BCAS3: variants seen among roughly 807,000 people sequenced by gnomAD.
BCAS3 encodes the protein BCAS4/BCAS3 fusion.
In BCAS3, 53 loss-of-function variants were observed where a neutral mutation model predicts 116.1. The observed-to-expected ratio is 0.46, with a 90% CI of 0.37 to 0.57. BCAS3 has a LOEUF of 0.57. Among genes scored for constraint, BCAS3 ranks in the 20% least tolerant of loss-of-function variants. BCAS3 has a pLI of 0.00. For synonymous variants in BCAS3, 391 were observed against 408.2 expected, an observed-to-expected ratio of 0.96 and a Z score of 0.51; for missense variants, 917 against 1,165.4, an observed-to-expected ratio of 0.79 and a Z score of 3.10.
chr17:60,951,466 A>G (rs149163617), intron 14 of BCAS3, among the ~76,000 whole-genome samples: 1 of 152,116 alleles, frequency 6.6e-6, no homozygotes, highest in African/African-American at 2.4e-5. Flanking sequence ...TGACCCATTA[A>G]CCTCTGCACC....
chr17:61,101,047 T>A (rs1466037549), intron 22 of BCAS3, among the ~76,000 whole-genome samples: 5 of 152,180 alleles, frequency 3.3e-5, no homozygotes, highest in Admixed American at 2.0e-4. Flanking sequence ...TCAGGGCATG[T>A]ATGTGACCTA....
chr17:61,036,370 C>T (rs1225859884), intron 17 of BCAS3: 3 of 152,272 alleles, frequency 2.0e-5, no homozygotes, highest in African/African-American at 4.8e-5. Flanking sequence ...ATCTCACGCG[C>T]AGCAGGTTCC....
intron 22 of BCAS3, among the ~76,000 whole-genome samples, chr17:61,288,922 A>C (rs990096624): frequency 6.6e-6 from 1 of 152,240 alleles, no homozygotes; most frequent in East Asian, 1.9e-4. Context: ...GGGGTGGAGC[A>C]TGAAAACATG....
rs535729006 is a variant in BCAS3 at position 60,968,366 on chromosome 17, A to ACAC, written c.1221+21017_1221+21019dup. On this transcript the variant is annotated intron_variant, in intron 14 of 23. Transcript: ENST00000407086. ...GAGTAGCTAGGACTACAGGCACGTG[A>ACAC]CACCATACCTGGCTAACTTTAAAAA... Among the ~76,000 whole-genome samples the ACAC allele has an allele frequency of 5.3e-4, 80 of 152,054 alleles. No individual in the cohort carries two copies. In the East Asian group the frequency reaches 0.014, roughly 26 times the overall value.
In BCAS3 at chr17:60,896,754, G is replaced by A. The variant is rs191775279; in HGVS notation, c.739-5866G>A. Among the ~76,000 whole-genome samples, 289 of 151,928 alleles carry A rather than the reference G, an allele frequency of 1.9e-3. 2 individuals carry two copies. Among genetic ancestry groups the A allele is most frequent in the South Asian group, 2.5e-3 (12 of 4,808 alleles). On this transcript the variant is annotated intron_variant, in intron 10 of 23. Coordinates refer to ENST00000407086, the MANE Select transcript of BCAS3 (RefSeq NM_017679.5). The stretch of plus-strand genomic sequence containing the variant: ...GTAAGTTTCTTGTAAGGAGCATATA[G>A]TTGGGTCATTTAAAAAAATCCATTT...
intron 22 of BCAS3, among the ~76,000 whole-genome samples, chr17:61,221,823 C>A (rs1284325325): frequency 6.6e-6 from 1 of 152,146 alleles, no homozygotes; most frequent in Non-Finnish European, 1.5e-5. Flanking sequence ...AAAGCATAAA[C>A]CCTAGCGTTA....
chr17:60,899,095 T>C (rs1232028973), intron 10 of BCAS3, among the ~76,000 whole-genome samples: 4 of 152,106 alleles, frequency 2.6e-5, no homozygotes, highest in African/African-American at 7.2e-5. Flanking sequence ...TGAGAGCAGA[T>C]ACCAGCCATG....
chr17:60,865,217 T>C (rs1346616242), intron 7 of BCAS3, among the ~76,000 whole-genome samples: 1 of 152,076 alleles, frequency 6.6e-6, no homozygotes, highest in Non-Finnish European at 1.5e-5. Flanking sequence ...AAATGCAATA[T>C]CTGTAAAGCA....
At chr17:61,260,303 G>T (rs2049091640) in intron 22 of BCAS3, among the ~76,000 whole-genome samples, 1 of 152,128 alleles carries the variant, frequency 6.6e-6, no homozygotes, top group African/African-American at 2.4e-5. Context: ...AGTTTTATGA[G>T]AAAACCCAGA....
chr17:61,081,338 C>T (rs764796946), intron 21 of BCAS3, among the ~76,000 whole-genome samples: 1 of 152,078 alleles, frequency 6.6e-6, no homozygotes, highest in Non-Finnish European at 1.5e-5. Flanking sequence ...TTACTCTTTT[C>T]CTCAGGTATA....
At position 61,260,118 on chromosome 17, in the gene BCAS3, A is replaced by T. The variant is rs536113197; in HGVS notation, c.2426-108209A>T. Among the ~76,000 whole-genome samples the T allele has an allele frequency of 7.2e-5, 11 of 152,332 alleles. No individual in the cohort carries two copies. The South Asian group carries it at 2.3e-3, about 32-fold the overall frequency. On this transcript the variant is annotated intron_variant, in intron 22 of 23. Transcript: ENST00000407086. The stretch of plus-strand genomic sequence containing the variant: ...ACAGCTACTAAATGCCGAAGTCAAG[A>T]CTTAACTTCAAAGCCCTGTTTCCAC...
In BCAS3 at chr17:60,956,684, A is replaced by G. The variant is rs1298342342; in HGVS notation, c.1221+9332A>G. ...CCAGTGATGTTCCTACTTAACAGGT[A>G]GGAAAGTCAAATAGAAATTATTTAA... On this transcript the variant is annotated intron_variant, in intron 14 of 23. Coordinates refer to ENST00000407086, the MANE Select transcript of BCAS3 (RefSeq NM_017679.5). This position sits in a 1 kb window ranked among gnomAD's most constrained non-coding sequence, Gnocchi z 4.2. Among the ~76,000 whole-genome samples the G allele has an allele frequency of 2.6e-5, 4 of 152,206 alleles. No homozygotes were observed. The highest frequency in any genetic ancestry group is 5.9e-5 in the Non-Finnish European group (4 of 68,018).
In BCAS3 at chr17:61,063,961, A is replaced by G. The variant is rs2070341962; in HGVS notation, c.2030-10959A>G. On this transcript the variant is annotated intron_variant, in intron 19 of 23. Transcript: ENST00000407086. This position sits in a 1 kb window ranked among gnomAD's most constrained non-coding sequence, Gnocchi z 5.3. ...GCATTGTCTCCATAAACTTTTGGTA[A>G]AGCATCAATAATTTCACCATTCTTC... Among the ~76,000 whole-genome samples the G allele has an allele frequency of 6.6e-6, 1 of 152,186 alleles. No homozygotes were observed. The highest frequency in any genetic ancestry group is 1.5e-5 in the Non-Finnish European group (1 of 68,030).
intron 22 of BCAS3, among the ~76,000 whole-genome samples, chr17:61,237,058 A>T (rs764684817): frequency 6.2e-4 from 94 of 152,214 alleles, no homozygotes; most frequent in Non-Finnish European, 1.2e-3. Flanking sequence ...CATAGCTGTC[A>T]AATAATAATA....
chr17:60,817,061 G>A (rs559360463), intron 7 of BCAS3, among the ~76,000 whole-genome samples: 1 of 152,236 alleles, frequency 6.6e-6, no homozygotes, highest in South Asian at 2.1e-4. Flanking sequence ...AATCCCAGTT[G>A]TTCATATTTT....
intron 19 of BCAS3, among the ~76,000 whole-genome samples, chr17:61,046,838 C>A (rs184558132): frequency 8.6e-5 from 13 of 151,616 alleles, no homozygotes; most frequent in Admixed American, 5.9e-4. Context: ...GTACAAACTC[C>A]GGAAATTATA....
chr17:60,685,471 A>T (rs1034865972), intron 3 of BCAS3, among the ~76,000 whole-genome samples: 5 of 151,170 alleles, frequency 3.3e-5, no homozygotes, highest in African/African-American at 1.2e-4. Flanking sequence ...AAAAAAAAAA[A>T]GAACATAGTC....
At chr17:60,955,533 C>T (rs2061084893) in intron 14 of BCAS3, among the ~76,000 whole-genome samples, 1 of 151,842 alleles carries the variant, frequency 6.6e-6, no homozygotes, top group Non-Finnish European at 1.5e-5. Flanking sequence ...CAGACGCCAC[C>T]AAGCCCAGCT....
At chr17:60,936,442 C>A (rs1184765826) in intron 13 of BCAS3, among the ~76,000 whole-genome samples, 1 of 152,092 alleles carries the variant, frequency 6.6e-6, no homozygotes, top group Non-Finnish European at 1.5e-5. Context: ...ACACTGACTT[C>A]CACAATGGTT....
Sources: gnomAD v4.1 joint callset for allele counts (sites outside exome capture counted in the v4.1 genomes callset) on GRCh38, gnomAD v4.1.1 for gene constraint, Gnocchi (gnomAD v3.1) non-coding constraint, MANE v1.5 for transcripts, NCBI Gene and HGNC (gene_info 2026-07-23, HGNC 2026-07-21) for gene names.